The following FSTL5 variants were observed in gnomAD, a reference collection of about 807,000 sequenced individuals.
FSTL5 encodes follistatin-related protein 5.
In FSTL5, 62 loss-of-function variants were observed where a neutral mutation model predicts 89.1. The ratio of observed to expected loss-of-function variants is 0.70; its 90% CI spans 0.57 to 0.86. The LOEUF (loss-of-function observed/expected upper bound fraction) is 0.86, where lower values mean the gene tolerates loss of function less well. Ranked by LOEUF, FSTL5 falls within the 40% of genes least tolerant of loss-of-function variation. The probability of loss-of-function intolerance (pLI) is 0.00; values close to 1 mark genes in which losing one functional copy is unlikely to be tolerated. For missense variants in FSTL5, 1,057 were observed against 1,001.6 expected, an observed-to-expected ratio of 1.06 and a Z score of -0.75; for synonymous variants, 383 against 346.2, an observed-to-expected ratio of 1.11 and a Z score of -1.18.
intron 8 of FSTL5, among the ~76,000 whole-genome samples, chr4:161,544,429 G>A (rs1219511715): frequency 6.6e-6 from 1 of 151,958 alleles, no homozygotes; most frequent in African/African-American, 2.4e-5. Context: ...TTCACAATGG[G>A]CAAATCCATG....
intron 6 of FSTL5, among the ~76,000 whole-genome samples, chr4:161,694,506 C>A (rs1003614211): frequency 6.6e-6 from 1 of 151,950 alleles, no homozygotes; most frequent in Non-Finnish European, 1.5e-5. Context: ...TTACATCATA[C>A]CCTGCTTTTC....
chr4:161,509,750 T>G (rs1433324755), intron 11 of FSTL5, among the ~76,000 whole-genome samples: 1 of 152,142 alleles, frequency 6.6e-6, no homozygotes, highest in Non-Finnish European at 1.5e-5. Flanking sequence ...TTAACCACAA[T>G]TGATGGACTA....
intron 10 of FSTL5, among the ~76,000 whole-genome samples, chr4:161,532,919 G>T (rs576198084): frequency 3.9e-4 from 59 of 151,992 alleles, no homozygotes; most frequent in African/African-American, 1.1e-3. Flanking sequence ...TCAATACCAA[G>T]AAAATCTCTC....
chr4:161,769,234 C>A (rs1741124757), intron 5 of FSTL5, among the ~76,000 whole-genome samples: 1 of 151,846 alleles, frequency 6.6e-6, no homozygotes, highest in Non-Finnish European at 1.5e-5. Flanking sequence ...GGGACCCAAG[C>A]TTCTCTGCTG....
At chr4:162,102,819 G>C (rs1445868730) in intron 2 of FSTL5, among the ~76,000 whole-genome samples, 1 of 143,378 alleles carries the variant, frequency 7.0e-6, no homozygotes, top group Non-Finnish European at 1.5e-5. Context: ...GACAAGCTTG[G>C]CTTTAATATA....
intron 4 of FSTL5, among the ~76,000 whole-genome samples, chr4:161,902,033 C>T (rs140218742): frequency 6.6e-6 from 1 of 152,090 alleles, no homozygotes; most frequent in Non-Finnish European, 1.5e-5. Context: ...TCTTCCATTT[C>T]TTTAGTTTCT....
rs187971343 is a variant in FSTL5 at position 162,156,367 on chromosome 4, T to G, written c.-17+7248A>C. Among the ~76,000 whole-genome samples the G allele has an allele frequency of 2.7e-4, 41 of 152,224 alleles. No homozygotes were observed. In the East Asian group the frequency reaches 7.7e-3, roughly 29 times the overall value. ...CAAATAACTTAAAACTGAAATACTATTTGACCCAATAATGCGATTACTGGG... is the reference window on the plus strand; with the variant it reads ...CAAATAACTTAAAACTGAAATACTAGTTGACCCAATAATGCGATTACTGGG... On this transcript the variant is annotated intron_variant, in intron 1 of 15. Transcript: ENST00000306100.
At chr4:161,741,936 G>T (rs1346260235) in intron 6 of FSTL5, among the ~76,000 whole-genome samples, 1 of 151,924 alleles carries the variant, frequency 6.6e-6, no homozygotes, top group Non-Finnish European at 1.5e-5. Context: ...TCCATTAAAC[G>T]CAGCCTAGAG....
chr4:161,834,424 T>A (rs1405978723), intron 4 of FSTL5, among the ~76,000 whole-genome samples: 2 of 152,128 alleles, frequency 1.3e-5, no homozygotes, highest in Non-Finnish European at 2.9e-5. Context: ...CCACTCCTAT[T>A]CAACATAGTG....
intron 3 of FSTL5, among the ~76,000 whole-genome samples, chr4:161,989,256 C>T (rs1736046816): frequency 6.6e-6 from 1 of 152,132 alleles, no homozygotes; most frequent in African/African-American, 2.4e-5. Context: ...AAAAGACAAA[C>T]TAGCACATGA....
chr4:161,734,497 A>C (rs527874054), intron 6 of FSTL5, among the ~76,000 whole-genome samples: 1 of 152,270 alleles, frequency 6.6e-6, no homozygotes, highest in South Asian at 2.1e-4. Context: ...TTTTTTAAAA[A>C]TATTTTAATA....
intron 1 of FSTL5, among the ~76,000 whole-genome samples, chr4:162,138,960 G>T (rs111997950): frequency 2.6e-5 from 4 of 151,920 alleles, no homozygotes; most frequent in Admixed American, 1.3e-4. Flanking sequence ...TTAAATAAAT[G>T]GAAACATTTG....
intron 4 of FSTL5, among the ~76,000 whole-genome samples, chr4:161,800,440 G>A (rs1729756329): frequency 1.3e-5 from 2 of 151,534 alleles, no homozygotes; most frequent in African/African-American, 4.8e-5. Flanking sequence ...TATGTCAAAG[G>A]ACATTTCAGA....
intron 4 of FSTL5, among the ~76,000 whole-genome samples, chr4:161,919,196 A>T (rs1268894485): frequency 1.3e-5 from 2 of 152,120 alleles, no homozygotes; most frequent in African/African-American, 2.4e-5. Flanking sequence ...AAGGGAACTA[A>T]ACTGAACTTG....
At chr4:161,483,451 C>G (rs1246208275) in intron 12 of FSTL5, among the ~76,000 whole-genome samples, 1 of 152,164 alleles carries the variant, frequency 6.6e-6, no homozygotes, top group Non-Finnish European at 1.5e-5. Context: ...TTGTTTGCTA[C>G]AGAACTATTC....
At chr4:161,713,145 A>G (rs1738856928) in intron 6 of FSTL5, among the ~76,000 whole-genome samples, 1 of 152,190 alleles carries the variant, frequency 6.6e-6, no homozygotes, top group Non-Finnish European at 1.5e-5. Context: ...GCTCTTCCTA[A>G]ACAACTTTGT....
intron 4 of FSTL5, among the ~76,000 whole-genome samples, chr4:161,858,319 G>A (rs1478237350): frequency 6.6e-6 from 1 of 152,146 alleles, no homozygotes; most frequent in Non-Finnish European, 1.5e-5. Context: ...CCAGGCTATG[G>A]TATTTTGTTA....
chr4:161,867,699 T>C (rs946134810), intron 4 of FSTL5, among the ~76,000 whole-genome samples: 3 of 151,542 alleles, frequency 2.0e-5, no homozygotes, highest in Non-Finnish European at 4.4e-5. Flanking sequence ...TAAACTTTGA[T>C]TCCATAAACA....
At chr4:161,574,317 C>T (rs1391719547) in intron 8 of FSTL5, among the ~76,000 whole-genome samples, 1 of 151,484 alleles carries the variant, frequency 6.6e-6, no homozygotes, top group Non-Finnish European at 1.5e-5. Context: ...TACTACAAAA[C>T]ATGACTTTCC....
Sources: gnomAD v4.1 joint callset for allele counts (sites outside exome capture counted in the v4.1 genomes callset) on GRCh38, gnomAD v4.1.1 for gene constraint, MANE v1.5 for transcripts, NCBI Gene and HGNC (gene_info 2026-07-23, HGNC 2026-07-21) for gene names.